Variants in PCDH7 observed in about 807,000 individuals in gnomAD.
The protein encoded by PCDH7 is protocadherin 7.
A neutral mutation model predicts 58.9 loss-of-function variants in PCDH7; 17 were observed. The ratio of observed to expected loss-of-function variants is 0.29; its 90% CI spans 0.20 to 0.43. PCDH7 has a LOEUF of 0.43. PCDH7 is among the 20% of genes least tolerant of loss of function. PCDH7 has a pLI of 1.00. For synonymous variants in PCDH7, 664 were observed against 616.4 expected, an observed-to-expected ratio of 1.08 and a Z score of -1.14; for missense variants, 1,274 against 1,441.0, an observed-to-expected ratio of 0.88 and a Z score of 1.88.
At chr4:31,112,353 A>G (rs1291959068) in intron 3 of PCDH7, among the ~76,000 whole-genome samples, 2 of 152,216 alleles carry the variant, frequency 1.3e-5, no homozygotes, top group African/African-American at 4.8e-5. Flanking sequence ...TTTCCTTGGA[A>G]TTCATTCAGT....
At chr4:31,024,258 T>G (rs1228636425) in intron 3 of PCDH7, among the ~76,000 whole-genome samples, 1 of 152,174 alleles carries the variant, frequency 6.6e-6, no homozygotes, top group Non-Finnish European at 1.5e-5. Context: ...GAAAAAACCT[T>G]CAGGGTAGAT....
intron 1 of PCDH7, among the ~76,000 whole-genome samples, chr4:30,748,932 A>G (rs931286510): frequency 2.0e-5 from 3 of 152,142 alleles, no homozygotes; most frequent in Non-Finnish European, 4.4e-5. Context: ...ATGTAGTTAT[A>G]TCTGGCACTA....
chr4:30,814,148 A>G (rs1376079599), intron 1 of PCDH7, among the ~76,000 whole-genome samples: 1 of 152,080 alleles, frequency 6.6e-6, no homozygotes, highest in African/African-American at 2.4e-5. Context: ...ACATATAGGC[A>G]ATTTTTACAT....
At chr4:31,071,279 C>T (rs1413228258) in intron 3 of PCDH7, among the ~76,000 whole-genome samples, 1 of 152,026 alleles carries the variant, frequency 6.6e-6, no homozygotes, top group Non-Finnish European at 1.5e-5. Context: ...CCCATAGTCT[C>T]TGTACAGCTA....
intron 3 of PCDH7, among the ~76,000 whole-genome samples, chr4:31,021,719 T>A (rs1341815626): frequency 6.6e-6 from 1 of 151,778 alleles, no homozygotes; most frequent in Non-Finnish European, 1.5e-5. Context: ...GTCTTGGGAG[T>A]GGCACACTTC....
At chr4:30,927,290 T>G (rs567290655) in intron 2 of PCDH7, among the ~76,000 whole-genome samples, 208 of 152,296 alleles carry the variant, frequency 1.4e-3, no homozygotes, top group African/African-American at 4.8e-3. Context: ...TTGCCAGATT[T>G]ATGTATAAAA....
At chr4:30,786,399 C>T (rs1723401066) in intron 1 of PCDH7, among the ~76,000 whole-genome samples, 1 of 152,038 alleles carries the variant, frequency 6.6e-6, no homozygotes, top group Admixed American at 6.6e-5. Context: ...CTCCCCCAGC[C>T]CTCTTTTGAC....
chr4:30,874,683 A>G (rs1455184980), intron 1 of PCDH7, among the ~76,000 whole-genome samples: 2 of 151,442 alleles, frequency 1.3e-5, no homozygotes, highest in Admixed American at 6.6e-5. Context: ...TAAAACTTAA[A>G]GTATAATAAT....
At chr4:30,840,862 A>C (rs956042219) in intron 1 of PCDH7, among the ~76,000 whole-genome samples, 5 of 151,240 alleles carry the variant, frequency 3.3e-5, no homozygotes, top group African/African-American at 9.7e-5. Flanking sequence ...AAAAGGACGT[A>C]CAGTTGCTCT....
At chr4:30,755,446 A>G (rs1316112355) in intron 1 of PCDH7, among the ~76,000 whole-genome samples, 2 of 152,172 alleles carry the variant, frequency 1.3e-5, no homozygotes, top group Non-Finnish European at 2.9e-5. Flanking sequence ...TCTTGACAGA[A>G]AAAAAAGAGA....
At chr4:31,115,195 A>G (rs1172164823) in intron 3 of PCDH7, among the ~76,000 whole-genome samples, 1 of 152,238 alleles carries the variant, frequency 6.6e-6, no homozygotes, top group East Asian at 1.9e-4. Context: ...GTTTAGCTTG[A>G]ATTTAATAGA....
At position 31,111,244 on chromosome 4, in the gene PCDH7, A is replaced by T. The variant is rs201741312; in HGVS notation, c.*8-31229A>T. Among the ~76,000 whole-genome samples, 51 of 142,208 alleles carry T rather than the reference A, an allele frequency of 3.6e-4. 1 individual carries two copies. The South Asian group carries it at 0.011, about 29-fold the overall frequency. The allele number at this position is 142,208 out of a possible 152,430, so 93.3% of individuals were successfully genotyped here. A position where few individuals can be genotyped will look rare whatever the true frequency, so the allele number is the denominator to read the frequency against. On this transcript the variant is annotated intron_variant, in intron 3 of 3. Coordinates refer to the PCDH7 transcript ENST00000509759. ...GTAATTGGCAGTTAAAAATAAGATT[A>T]AAAAGAAACTCAACCTTTTCAGTAA...
At chr4:30,760,537 C>T (rs1307952627) in intron 1 of PCDH7, among the ~76,000 whole-genome samples, 1 of 152,004 alleles carries the variant, frequency 6.6e-6, no homozygotes, top group Non-Finnish European at 1.5e-5. Context: ...CACATGCATT[C>T]CTATACACCA....
chr4:30,750,865 T>C (rs1718419928), intron 1 of PCDH7, among the ~76,000 whole-genome samples: 1 of 152,066 alleles, frequency 6.6e-6, no homozygotes, highest in Non-Finnish European at 1.5e-5. Context: ...TAAAGTACTA[T>C]GATAGAGAAT....
At chr4:31,071,996 C>T (rs771830837) in intron 3 of PCDH7, among the ~76,000 whole-genome samples, 31 of 152,022 alleles carry the variant, frequency 2.0e-4, no homozygotes, top group Non-Finnish European at 4.4e-4. Flanking sequence ...TGTTTACTGT[C>T]TTCGCTTTTC....
intron 3 of PCDH7, among the ~76,000 whole-genome samples, chr4:31,074,709 G>GGGGA (rs1216199845): frequency 6.8e-6 from 1 of 148,146 alleles, no homozygotes; most frequent in Non-Finnish European, 1.5e-5. Flanking sequence ...GCTTGAACCT[G>GGGGA]GGGAGGTGGA....
chr4:31,010,922 A>G (rs1448354435), intron 3 of PCDH7, among the ~76,000 whole-genome samples: 1 of 152,034 alleles, frequency 6.6e-6, no homozygotes, highest in Admixed American at 6.6e-5. Flanking sequence ...TAAACAACAC[A>G]TTATAGGTAC....
At chr4:31,106,530 T>C (rs1160841146) in intron 3 of PCDH7, among the ~76,000 whole-genome samples, 5 of 152,228 alleles carry the variant, frequency 3.3e-5, no homozygotes, top group African/African-American at 1.2e-4. Flanking sequence ...TATACTCTGC[T>C]CCTTTGGATG....
intron 3 of PCDH7, among the ~76,000 whole-genome samples, chr4:31,115,160 C>T (rs1367951570): frequency 6.6e-6 from 1 of 152,102 alleles, no homozygotes. Context: ...ACAAAATAAA[C>T]AGCACATACA....
Sources: allele counts gnomAD v4.1 joint callset (sites outside exome capture counted in the v4.1 genomes callset), GRCh38; gene constraint gnomAD v4.1.1; transcripts MANE v1.5; gene names NCBI Gene and HGNC (gene_info 2026-07-23, HGNC 2026-07-21).